Variants in SDC2 observed in about 807,000 individuals in gnomAD.
SDC2 encodes syndecan 2.
SDC2 carries 13 observed loss-of-function variants against 22.2 expected under a neutral mutation model. That is an observed-to-expected ratio of 0.59 (90% CI 0.38 to 0.93). The LOEUF (loss-of-function observed/expected upper bound fraction) is 0.93. SDC2 is among the 40% of genes least tolerant of loss of function. The pLI, the probability that SDC2 is intolerant of heterozygous loss-of-function variation, is 0.00. For missense variants in SDC2, 235 were observed against 246.8 expected, an observed-to-expected ratio of 0.95 and a Z score of 0.32; for synonymous variants, 94 against 92.8, an observed-to-expected ratio of 1.01 and a Z score of -0.07.
chr8:96,515,994 G>C (rs1371564898), intron 1 of SDC2, among the ~76,000 whole-genome samples: 1 of 152,146 alleles, frequency 6.6e-6, no homozygotes, highest in Non-Finnish European at 1.5e-5. Flanking sequence ...AGCCCTTCCA[G>C]GCTGATGGAT....
chr8:96,584,803 G>A (rs1299037048), intron 1 of SDC2: 2 of 152,218 alleles, frequency 1.3e-5, no homozygotes, highest in South Asian at 2.1e-4. Context: ...AAGGAAGAAA[G>A]CTCAATGCGG....
intron 2 of SDC2, among the ~76,000 whole-genome samples, chr8:96,598,168 C>T (rs928009696): frequency 1.7e-4 from 26 of 152,090 alleles, no homozygotes; most frequent in African/African-American, 5.6e-4. Context: ...AGCCTCTTTC[C>T]GAAGGGCACT....
chr8:96,514,392 G>A (rs1813371894), intron 1 of SDC2, among the ~76,000 whole-genome samples: 1 of 152,130 alleles, frequency 6.6e-6, no homozygotes, highest in Non-Finnish European at 1.5e-5. Flanking sequence ...ACCTGCCAGG[G>A]GTTTGGGAGG....
At chr8:96,536,454 T>C (rs1475428167) in intron 1 of SDC2, among the ~76,000 whole-genome samples, 3 of 152,184 alleles carry the variant, frequency 2.0e-5, no homozygotes, top group Admixed American at 6.5e-5. Context: ...AACAAGTAGC[T>C]GAGACTACAG....
intron 1 of SDC2, among the ~76,000 whole-genome samples, chr8:96,517,240 C>T (rs965380604): frequency 2.0e-5 from 3 of 152,144 alleles, no homozygotes; most frequent in Non-Finnish European, 4.4e-5. Context: ...TTTGTATTTA[C>T]TCTGTGAAGA....
intron 1 of SDC2, among the ~76,000 whole-genome samples, chr8:96,555,583 A>T (rs1330472752): frequency 6.6e-6 from 1 of 152,250 alleles, no homozygotes; most frequent in Non-Finnish European, 1.5e-5. Context: ...ACATAAACAT[A>T]TGCACACATA....
At position 96,554,591 on chromosome 8, in the gene SDC2, C is replaced by T. The variant is rs191542285; in HGVS notation, c.61-38889C>T. Among the ~76,000 whole-genome samples, 145 of 152,182 alleles carry T rather than the reference C, an allele frequency of 9.5e-4. 1 individual carries two copies. Among genetic ancestry groups the T allele is most frequent in the Non-Finnish European group, 1.8e-3 (124 of 67,992 alleles). On this transcript the variant is annotated intron_variant, in intron 1 of 4. Coordinates refer to ENST00000302190, the MANE Select transcript of SDC2 (RefSeq NM_002998.4). ...TGGTTCATTTTTCACAGCCTTGCTC[C>T]GAGTGAGGTGTTCTTATCATCAGTT...
At chr8:96,604,639 G>A (rs116648440) in intron 3 of SDC2, among the ~76,000 whole-genome samples, 6 of 152,164 alleles carry the variant, frequency 3.9e-5, no homozygotes, top group African/African-American at 9.6e-5. Context: ...TCACTGTTAC[G>A]GATATCCTAT....
chr8:96,503,227 A>C (rs1418820302), intron 1 of SDC2, among the ~76,000 whole-genome samples: 2 of 152,254 alleles, frequency 1.3e-5, no homozygotes, highest in Non-Finnish European at 2.9e-5. Flanking sequence ...AATCATTACC[A>C]GGTAAATAGT....
At chr8:96,593,431 TG>T in intron 1 of SDC2, 48 bp from the exon 2 acceptor site, 5 of 1,231,320 alleles carry the variant, frequency 4.1e-6, no homozygotes, top group Non-Finnish European at 6.0e-6. Flanking sequence ...TATACAAGTG[TG>T]TTTCTTAATC....
chr8:96,577,050 C>T (rs988161540), intron 1 of SDC2, among the ~76,000 whole-genome samples: 1 of 152,126 alleles, frequency 6.6e-6, no homozygotes, highest in Non-Finnish European at 1.5e-5. Flanking sequence ...CACAAATGAG[C>T]TATTTTCCTA....
At chr8:96,595,990 T>A (rs928528952) in intron 2 of SDC2, among the ~76,000 whole-genome samples, 1 of 152,238 alleles carries the variant, frequency 6.6e-6, no homozygotes, top group Non-Finnish European at 1.5e-5. Flanking sequence ...GCTGGGAGTG[T>A]TGTTTTTCAG....
At chr8:96,609,268 T>C in intron 4 of SDC2, 117 bp from the exon 5 acceptor site, 1 of 774,726 alleles carries the variant, frequency 1.3e-6, no homozygotes, top group Non-Finnish European at 1.9e-6. Flanking sequence ...TTTTTTTTTA[T>C]TGGGGTTTTC....
chr8:96,571,463 TA>T (rs1051886075), intron 1 of SDC2, among the ~76,000 whole-genome samples: 1 of 152,130 alleles, frequency 6.6e-6, no homozygotes, highest in African/African-American at 2.4e-5. Flanking sequence ...AACAAAGCAA[TA>T]AAAAACTCAA....
chr8:96,583,119 T>TA (rs927234159), intron 1 of SDC2, among the ~76,000 whole-genome samples: 1 of 143,814 alleles, frequency 7.0e-6, no homozygotes, highest in Non-Finnish European at 1.5e-5. Flanking sequence ...CTTCTTTTCT[T>TA]AAAAAAATCT....
intron 1 of SDC2, among the ~76,000 whole-genome samples, chr8:96,506,493 A>G (rs908581171): frequency 6.6e-6 from 1 of 152,054 alleles, no homozygotes; most frequent in Non-Finnish European, 1.5e-5. Context: ...GAAAACTTAT[A>G]AGAGACGGAG....
intron 1 of SDC2, among the ~76,000 whole-genome samples, chr8:96,516,612 A>G (rs1813406268): frequency 6.6e-6 from 1 of 151,986 alleles, no homozygotes; most frequent in African/African-American, 2.4e-5. Context: ...GGCCTAGGCA[A>G]CCACTAGTCT....
At chr8:96,583,691 G>A (rs1442278145) in intron 1 of SDC2, among the ~76,000 whole-genome samples, 1 of 117,718 alleles carries the variant, frequency 8.5e-6, no homozygotes, top group Non-Finnish European at 1.7e-5. Context: ...ATATATGTGT[G>A]TGTGTGTGTG....
chr8:96,531,998 C>T (rs541825666), intron 1 of SDC2, among the ~76,000 whole-genome samples: 14 of 152,258 alleles, frequency 9.2e-5, no homozygotes, highest in South Asian at 2.1e-4. Context: ...TGTAGACTAG[C>T]GACACCTTCC....
Sources: allele counts gnomAD v4.1 joint callset (sites outside exome capture counted in the v4.1 genomes callset), GRCh38; gene constraint gnomAD v4.1.1; transcripts MANE v1.5; gene names NCBI Gene and HGNC (gene_info 2026-07-23, HGNC 2026-07-21).